Variants in LHFPL6 observed in about 807,000 individuals in gnomAD.
LHFPL6 encodes LHFPL tetraspan subfamily member 6 protein.
In LHFPL6, 9 loss-of-function variants were observed where a neutral mutation model predicts 20.6. The ratio of observed to expected loss-of-function variants is 0.44; its 90% CI spans 0.26 to 0.76. LHFPL6 has a LOEUF of 0.76. Among genes scored for constraint, LHFPL6 ranks in the 30% least tolerant of loss-of-function variants. The pLI is 0.20. For synonymous variants in LHFPL6, 105 were observed against 98.7 expected (o/e 1.06, Z -0.38); for missense variants, 218 against 253.5 (o/e 0.86, Z 0.95).
At chr13:39,552,680 T>A (rs114319824) in intron 2 of LHFPL6, among the ~76,000 whole-genome samples, 1,914 of 152,286 alleles carry the variant, frequency 0.013, 47 homozygotes, top group East Asian at 0.09. Context: ...AGAAGAACTG[T>A]AGGGACCAAG....
intron 2 of LHFPL6, among the ~76,000 whole-genome samples, chr13:39,425,533 A>G (rs1483411967): frequency 6.6e-6 from 1 of 152,190 alleles, no homozygotes; most frequent in African/African-American, 2.4e-5. Context: ...ATCCTCGCCC[A>G]TATTTTGTAT....
chr13:39,581,650 G>T (rs767161217), intron 2 of LHFPL6, among the ~76,000 whole-genome samples: 1 of 147,812 alleles, frequency 6.8e-6, no homozygotes, highest in Non-Finnish European at 1.5e-5. Flanking sequence ...TTCCCCCAAG[G>T]TATCTTTTGT....
Position 39,359,801 on chromosome 13 carries a change from A to AC in LHFPL6, c.485-15748dup, listed in dbSNP as rs1171562893. ...ATAAACATTGAAAAAGAAAAAAAAA[A>AC]CTGCAGCTCTGCTCTCTAATGTGAC... On this transcript the variant is annotated intron_variant, in intron 3 of 3. Transcript: ENST00000379589. Among the ~76,000 whole-genome samples the AC allele has an allele frequency of 2.6e-5, 4 of 152,154 alleles. No homozygotes were observed. In the East Asian group the frequency reaches 7.7e-4, roughly 29 times the overall value.
intron 3 of LHFPL6, among the ~76,000 whole-genome samples, chr13:39,375,431 C>G (rs1248106373): frequency 6.6e-6 from 1 of 151,964 alleles, no homozygotes; most frequent in Non-Finnish European, 1.5e-5. Context: ...TGGCTCATGC[C>G]CATAATCCCA....
At chr13:39,532,909 C>T (rs755547435) in intron 2 of LHFPL6, among the ~76,000 whole-genome samples, 2 of 152,112 alleles carry the variant, frequency 1.3e-5, no homozygotes, top group Non-Finnish European at 2.9e-5. Flanking sequence ...TTATATGACC[C>T]GTTATTTTTC....
At chr13:39,443,449 C>G (rs958557116) in intron 2 of LHFPL6, among the ~76,000 whole-genome samples, 11 of 152,106 alleles carry the variant, frequency 7.2e-5, no homozygotes, top group Middle Eastern at 3.4e-3. Context: ...GTAACAAATA[C>G]CTGAAAAGTG....
At chr13:39,396,964 C>G (rs1870858395) in intron 2 of LHFPL6, among the ~76,000 whole-genome samples, 2 of 152,092 alleles carry the variant, frequency 1.3e-5, no homozygotes, top group South Asian at 2.1e-4. Flanking sequence ...TCAGAGGGAG[C>G]ATGGCCCTGC....
intron 2 of LHFPL6, among the ~76,000 whole-genome samples, chr13:39,423,328 G>T (rs887023677): frequency 5.3e-5 from 8 of 152,118 alleles, no homozygotes; most frequent in African/African-American, 1.4e-4. Context: ...ACTACATAAT[G>T]CAATAAATCT....
chr13:39,465,548 C>T (rs867445661), intron 2 of LHFPL6, among the ~76,000 whole-genome samples: 2 of 152,142 alleles, frequency 1.3e-5, no homozygotes, highest in Admixed American at 6.5e-5. Context: ...AACTGCCACC[C>T]GCAGTGCCGG....
intron 2 of LHFPL6, among the ~76,000 whole-genome samples, chr13:39,451,178 A>G (rs73175128): frequency 6.4e-5 from 6 of 93,578 alleles, no homozygotes; most frequent in Non-Finnish European, 8.6e-5. Context: ...TTGTTTGTTT[A>G]TTTATTTATT....
chr13:39,438,817 G>A (rs953237719), intron 2 of LHFPL6, among the ~76,000 whole-genome samples: 2 of 152,370 alleles, frequency 1.3e-5, no homozygotes, highest in Admixed American at 1.3e-4. Flanking sequence ...GGTATGCAGA[G>A]TACAAGAGTT....
chr13:39,354,584 G>A (rs1259134312), intron 3 of LHFPL6, among the ~76,000 whole-genome samples: 1 of 152,040 alleles, frequency 6.6e-6, no homozygotes, highest in Admixed American at 6.5e-5. Context: ...AATATGGATG[G>A]GAAAGAAGTT....
At chr13:39,359,481 TA>T (rs71077231) in intron 3 of LHFPL6, among the ~76,000 whole-genome samples, 2,224 of 151,950 alleles carry the variant, frequency 0.015, 18 homozygotes, top group Non-Finnish European at 0.023. Context: ...TACATGGCCA[TA>T]AAAAAAATCA....
At chr13:39,589,777 G>A (rs573512799) in intron 2 of LHFPL6, among the ~76,000 whole-genome samples, 6 of 152,128 alleles carry the variant, frequency 3.9e-5, no homozygotes, top group African/African-American at 1.4e-4. Flanking sequence ...GCCAGCACAC[G>A]ATCGTCTGTT....
At chr13:39,512,924 C>T (rs1046290430) in intron 2 of LHFPL6, among the ~76,000 whole-genome samples, 4 of 152,202 alleles carry the variant, frequency 2.6e-5, no homozygotes, top group Admixed American at 6.5e-5. Flanking sequence ...CAGGCACGCG[C>T]GACACTGTCT....
Position 39,343,554 on chromosome 13 carries a change from T to TAAA in LHFPL6, c.*379_*381dup. The TAAA allele has an allele frequency of 5.4e-5, 11 of 205,034 alleles. No individual in the cohort carries two copies. The highest frequency in any genetic ancestry group is 2.1e-4 in the South Asian group (1 of 4,876). The allele number at this position is 205,034 out of a possible 1,614,324, so 12.7% of individuals were successfully genotyped here. The stretch of plus-strand genomic sequence containing the variant: ...CCTTTGATTTTCTGAGTCCTCACCT[T>TAAA]AAAAAAAAAAAACTAAAACCCAAAC... On this transcript the variant is annotated 3_prime_UTR_variant, in exon 4 of 4. Coordinates refer to ENST00000379589, the MANE Select transcript of LHFPL6 (RefSeq NM_005780.3).
intron 3 of LHFPL6, 122 bp downstream of exon 3, chr13:39,378,306 G>A: frequency 1.5e-6 from 1 of 676,530 alleles, no homozygotes; most frequent in South Asian, 1.7e-5. Context: ...TGTTACACGT[G>A]ACTACTGGCT....
At chr13:39,478,958 C>A (rs1312583842) in intron 2 of LHFPL6, among the ~76,000 whole-genome samples, 2 of 150,738 alleles carry the variant, frequency 1.3e-5, no homozygotes, top group African/African-American at 2.4e-5. Context: ...ATCGATATGT[C>A]TCTATATATA....
intron 2 of LHFPL6, among the ~76,000 whole-genome samples, chr13:39,403,951 G>T (rs774229361): frequency 5.3e-5 from 8 of 152,140 alleles, no homozygotes; most frequent in African/African-American, 7.2e-5. Flanking sequence ...GATTTATGAG[G>T]CCAAGTAGAA....
Sources: gnomAD v4.1 joint callset for allele counts (sites outside exome capture counted in the v4.1 genomes callset) on GRCh38, gnomAD v4.1.1 for gene constraint, MANE v1.5 for transcripts, NCBI Gene and HGNC (gene_info 2026-07-23, HGNC 2026-07-21) for gene names.